Variants in SNX21 observed in about 807,000 individuals in gnomAD.
The protein encoded by SNX21 is sorting nexin family member 21.
Under a neutral mutation model 30.9 loss-of-function variants are expected in SNX21, and 36 were observed. The observed-to-expected ratio is 1.16, with a 90% CI of 0.89 to 1.54. The LOEUF (loss-of-function observed/expected upper bound fraction) is 1.54. Ranked by LOEUF, SNX21 falls within the 40% of genes most tolerant of loss-of-function variation. SNX21 has a pLI of 0.00. For missense variants in SNX21, 508 were observed against 516.5 expected, an observed-to-expected ratio of 0.98 and a Z score of 0.16; for synonymous variants, 218 against 222.7, an observed-to-expected ratio of 0.98 and a Z score of 0.19.
Position 45,842,108 on chromosome 20 carries a change from T to G in SNX21, c.*795T>G. 1 of 1,535,440 alleles carries G rather than the reference T, an allele frequency of 6.5e-7. No homozygotes were observed. Among genetic ancestry groups the G allele is most frequent in the Non-Finnish European group, 8.7e-7 (1 of 1,146,574 alleles). On this transcript the variant is annotated 3_prime_UTR_variant, in exon 4 of 4. Transcript: ENST00000491381. ...CTCCCGCCTCAGCCTCCTGAGCAGC[T>G]GGGATTACAGGCGCACATCACCATG...
Position 45,841,648 on chromosome 20 carries a change from C to G in SNX21, c.*335C>G. The G allele has an allele frequency of 2.8e-6, 4 of 1,416,632 alleles. No individual in the cohort carries two copies. The highest frequency in any genetic ancestry group is 3.7e-6 in the Non-Finnish European group (4 of 1,092,232). The allele number at this position is 1,416,632 out of a possible 1,614,324, so 87.8% of individuals were successfully genotyped here. A position where few individuals can be genotyped will look rare whatever the true frequency, so the allele number is the denominator to read the frequency against. On this transcript the variant is annotated 3_prime_UTR_variant, in exon 4 of 4. Transcript: ENST00000491381. ...TCTTGGCTGAAGGCCAGGGACTCTG[C>G]CCCTGGAGTCCTGGAGTTAAGGGAT...
chr20:45,836,065 A>G (rs1983499711), intron 3 of SNX21, among the ~76,000 whole-genome samples: 1 of 152,144 alleles, frequency 6.6e-6, no homozygotes, highest in Non-Finnish European at 1.5e-5. Context: ...CCTCTGACTC[A>G]GCAGGAGGGG....
Position 45,842,311 on chromosome 20 carries a change from C to T in SNX21, c.*998C>T. 2.8e-6 allele frequency: 4 copies of T among 1,413,712 alleles called. No homozygotes were observed. The highest frequency in any genetic ancestry group is 1.4e-5 in the African/African-American group (1 of 69,382). 87.6% of individuals were successfully genotyped at this position (1,413,712 alleles called of 1,614,324 possible). On this transcript the variant is annotated 3_prime_UTR_variant, in exon 4 of 4. Coordinates refer to ENST00000491381, the MANE Select transcript of SNX21 (RefSeq NM_033421.4). ...AGTTGACAGTTTAAAAGCACTTTCA[C>T]ACCTCTCCTCGCTTCCTCAAAAAGA...
chr20:45,834,965 G>A lies in SNX21; in HGVS notation c.296G>A (p.Ser99Asn). ...DGTSGEDAER[S>N]PPPDGQWGSQ... ...ACTGGTCATGTGTCTGCAGAACGGA[G>A]CCCCCCACCTGATGGGCAGTGGGGC... Residue 99 changes from serine (S) to asparagine (N), a missense_variant, in exon 3 of 4, where the codon AGC becomes AAC. Physicochemically the swap from Ser to Asn is conservative, Grantham distance 46. Coordinates refer to ENST00000491381, the MANE Select transcript of SNX21 (RefSeq NM_033421.4). 1 of 1,613,590 alleles carries A rather than the reference G, an allele frequency of 6.2e-7. No individual in the cohort carries two copies. Among genetic ancestry groups the A allele is most frequent in the South Asian group, 1.1e-5 (1 of 91,026 alleles).
At position 45,840,810 on chromosome 20, in the gene SNX21, G is replaced by A. The variant is rs1418806543; in HGVS notation, c.619G>A (p.Glu207Lys). ...GCGGCTGCGCCGGAATTTTACTGCAGAGACCATTGCCCGCCGTAGCCGGGC... is the reference window on the plus strand; with the variant it reads ...GCGGCTGCGCCGGAATTTTACTGCAAAGACCATTGCCCGCCGTAGCCGGGC... ...RKRLRRNFTA[E>K]TIARRSRAFE... The change falls in exon 4 of 4, where the codon GAG (glutamate) becomes AAG (lysine). Residue 207 changes from glutamate (E) to lysine (K), a missense_variant. By Grantham distance (56) the Glu-to-Lys change is moderately conservative (BLOSUM62 1). Coordinates refer to ENST00000491381, the MANE Select transcript of SNX21 (RefSeq NM_033421.4). The A allele has an allele frequency of 3.7e-6, 6 of 1,613,944 alleles. No homozygotes were observed. The highest frequency in any genetic ancestry group is 1.7e-5 in the Admixed American group (1 of 60,032).
rs759811494 is a variant in SNX21 at position 45,840,751 on chromosome 20, G to A, written c.560G>A (p.Arg187Gln). 99 of 1,614,148 alleles carry A rather than the reference G, an allele frequency of 6.1e-5. No homozygotes were observed. In the East Asian group the frequency reaches 1.4e-3, roughly 23 times the overall value. Reference protein sequence around the residue: ...RLHRNLQRQFRGPMAAISFPR... With the variant: ...RLHRNLQRQFQGPMAAISFPR... ...CACCGAAACCTGCAGCGGCAATTCCGGGGCCCAATGGCTGCCATCTCCTTC... is the reference window on the plus strand; with the variant it reads ...CACCGAAACCTGCAGCGGCAATTCCAGGGCCCAATGGCTGCCATCTCCTTC... The change falls in exon 4 of 4, where the codon CGG becomes CAG. Residue 187 changes from arginine to glutamine, a missense_variant. By Grantham distance (43) the Arg-to-Gln change is conservative (BLOSUM62 1). Transcript: ENST00000491381.
Position 45,834,349 on chromosome 20 carries a change from T to C in SNX21, c.170T>C (p.Leu57Pro), listed in dbSNP as rs766691771. 5.6e-6 allele frequency: 9 copies of C among 1,601,544 alleles called. No homozygotes were observed. The South Asian group carries it at 6.7e-5, about 12-fold the overall frequency. Residue 57 changes from leucine (L) to proline (P), a missense_variant, in exon 2 of 4, where the codon CTC (leucine) becomes CCC (proline). Transcript: ENST00000491381. ...DDDAEGLSSR[L>P]SGTLSFTSAE... is the part of the protein sequence containing the mutation. The stretch of plus-strand genomic sequence containing the variant: ...GACGCCGAGGGCCTGTCCTCCCGAC[T>C]CAGCGGCACCCTCAGCTTCACCAGC...
rs990468214 is a variant in SNX21 at position 45,842,051 on chromosome 20, G to A, written c.*738G>A. 1.5e-5 allele frequency: 23 copies of A among 1,548,826 alleles called. No individual in the cohort carries two copies. Among genetic ancestry groups the A allele is most frequent in the Non-Finnish European group, 1.6e-5 (18 of 1,149,324 alleles). On this transcript the variant is annotated 3_prime_UTR_variant, in exon 4 of 4. Transcript: ENST00000491381. ...GAAACAGAGTCTCACTAAGTTGCCA[G>A]GCTGGTCTCAAGCGCCTGGGTTCAA...
intron 1 of SNX21, 22 bp from the exon 2 acceptor site, chr20:45,834,179 C>T: frequency 6.8e-7 from 1 of 1,478,640 alleles, no homozygotes; most frequent in Non-Finnish European, 8.9e-7. Flanking sequence ...ATCCGGTACA[C>T]AGCGTCGCGC....
chr20:45,841,728 G>T lies in SNX21; in HGVS notation c.*415G>T. ...GAATTAAAAGCCAGCCACTCCAGTG[G>T]TATCAGTCTCTTTATTGGATGTGAG... On this transcript the variant is annotated 3_prime_UTR_variant, in exon 4 of 4. Coordinates refer to ENST00000491381, the MANE Select transcript of SNX21 (RefSeq NM_033421.4). The T allele has an allele frequency of 2.1e-6, 3 of 1,437,190 alleles. No homozygotes were observed. Among genetic ancestry groups the T allele is most frequent in the Non-Finnish European group, 2.7e-6 (3 of 1,101,646 alleles). 89.0% of individuals were successfully genotyped at this position (1,437,190 alleles called of 1,614,324 possible).
Position 45,843,033 on chromosome 20 carries a change from T to G in SNX21, c.*1720T>G, listed in dbSNP as rs1470272866. ...ACTGAATGCCCCGATCCCAATCAGG[T>G]TAATCAGAATCACTTAGAGAACTTA... On this transcript the variant is annotated 3_prime_UTR_variant, in exon 4 of 4. Transcript: ENST00000491381. The G allele has an allele frequency of 5.3e-6, 6 of 1,129,514 alleles. No homozygotes were observed. Among genetic ancestry groups the G allele is most frequent in the African/African-American group, 1.6e-5 (1 of 61,470 alleles). 70.0% of individuals were successfully genotyped at this position (1,129,514 alleles called of 1,614,324 possible).
intron 2 of SNX21, chr20:45,834,742 G>A (rs1601064494): frequency 3.0e-6 from 2 of 672,244 alleles, no homozygotes; most frequent in Non-Finnish European, 5.0e-6. Context: ...TGGAAATGAT[G>A]TATTAACGAT....
chr20:45,834,307 C>CA lies in SNX21; in HGVS notation c.129dup (p.Glu44ArgfsTer40), dbSNP rs747174005. On this transcript the variant is annotated frameshift_variant, in exon 2 of 4. Transcript: ENST00000491381. LOFTEE classifies it high-confidence loss of function. ...GAGGCCGAGCAGTTTCCGGAGAGCT[C>CA]AGAGCTGGAGGACGACGACGCCGAG... The CA allele has an allele frequency of 6.3e-7, 1 of 1,596,730 alleles. No individual in the cohort carries two copies. Among genetic ancestry groups the CA allele is most frequent in the South Asian group, 1.1e-5 (1 of 89,630 alleles).
rs1984021374 is a variant in SNX21, at chr20:45,840,802, T to C, written c.611T>C (p.Phe204Ser). 6.2e-7 allele frequency: 1 copy of C among 1,613,870 alleles called. No individual in the cohort carries two copies. The highest frequency in any genetic ancestry group is 8.5e-7 in the Non-Finnish European group (1 of 1,180,056). ...CCCCGTAAGCGGCTGCGCCGGAATT[T>C]TACTGCAGAGACCATTGCCCGCCGT... is the stretch of plus-strand genomic sequence containing the variant. ...SFPRKRLRRN[F>S]TAETIARRSR... The change falls in exon 4 of 4, where the codon TTT becomes TCT. Residue 204 changes from phenylalanine to serine, a missense_variant. Transcript: ENST00000491381.
At chr20:45,834,118 G>T (rs1162607972) in intron 1 of SNX21, 83 bp from the exon 2 acceptor site, 3 of 1,416,062 alleles carry the variant, frequency 2.1e-6, no homozygotes, top group African/African-American at 1.5e-5. Flanking sequence ...TCTCCGGTTC[G>T]GGCCCCGCCC....
chr20:45,841,420 G>A lies in SNX21; in HGVS notation c.*107G>A. 1 of 1,476,894 alleles carries A rather than the reference G, an allele frequency of 6.8e-7. No individual in the cohort carries two copies. Among genetic ancestry groups the A allele is most frequent in the Non-Finnish European group, 8.9e-7 (1 of 1,117,412 alleles). 91.5% of individuals were successfully genotyped at this position (1,476,894 alleles called of 1,614,324 possible). On this transcript the variant is annotated 3_prime_UTR_variant, in exon 4 of 4. Transcript: ENST00000491381. Reference sequence around the variant, plus strand: ...TGGGAGGCTGCAGAGGGTGCTGGGAGCCCCTAGAAGTTCCAAAAGAGAATG... The same window carrying A: ...TGGGAGGCTGCAGAGGGTGCTGGGAACCCCTAGAAGTTCCAAAAGAGAATG...
chr20:45,839,220 C>A (rs992041087), intron 3 of SNX21, among the ~76,000 whole-genome samples: 3 of 151,992 alleles, frequency 2.0e-5, no homozygotes, highest in Non-Finnish European at 4.4e-5. Context: ...TTTTTTAAAA[C>A]CAAACTGAGA....
intron 2 of SNX21, 125 bp downstream of exon 2, chr20:45,834,593 T>C: frequency 1.6e-6 from 2 of 1,269,762 alleles, no homozygotes; most frequent in Non-Finnish European, 2.1e-6. Flanking sequence ...TTAAAGCGCC[T>C]GGGCCACCTC....
Position 45,835,111 on chromosome 20 carries a change from T to C in SNX21, c.442T>C (p.Tyr148His), listed in dbSNP as rs1407656368. The stretch of plus-strand genomic sequence containing the variant: ...CGTTGTCAAGGACCCGCCCTCCAAG[T>C]ACGTGGTGAGTGAGGGTCTAGAACC... ...ANVVKDPPSK[Y>H]VLYTLAVIGP... The change falls in exon 3 of 4, where the codon TAC (tyrosine) becomes CAC (histidine). Residue 148 changes from tyrosine (Y) to histidine (H), a missense_variant. Transcript: ENST00000491381. 1 of 1,612,536 alleles carries C rather than the reference T, an allele frequency of 6.2e-7. No homozygotes were observed. Among genetic ancestry groups the C allele is most frequent in the Non-Finnish European group, 8.5e-7 (1 of 1,179,056 alleles).
Sources: allele counts gnomAD v4.1 joint callset (sites outside exome capture counted in the v4.1 genomes callset), GRCh38; gene constraint gnomAD v4.1.1; transcripts MANE v1.5; gene names NCBI Gene and HGNC (gene_info 2026-07-23, HGNC 2026-07-21).